IGSF11: variants seen among roughly 807,000 people sequenced by gnomAD.
IGSF11 encodes the protein immunoglobulin superfamily member 11, also known as CXADR like 1.
In IGSF11, 22 loss-of-function variants were observed where a neutral mutation model predicts 41.0. The observed-to-expected ratio is 0.54, with a 90% CI of 0.38 to 0.77. The LOEUF (loss-of-function observed/expected upper bound fraction) is 0.77, where lower values mean the gene tolerates loss of function less well. IGSF11 is among the 30% of genes least tolerant of loss of function. IGSF11 has a pLI of 0.00. For synonymous variants in IGSF11, 219 were observed against 201.3 expected (o/e 1.09, Z -0.74); for missense variants, 444 against 530.8 (o/e 0.84, Z 1.61).
At chr3:118,944,457 TACACACACACACACACACACAC>T (rs3079206) in intron 1 of IGSF11, among the ~76,000 whole-genome samples, 10 of 125,810 alleles carry the variant, frequency 7.9e-5, no homozygotes, top group East Asian at 4.9e-4. Flanking sequence ...TAGCTTGAAA[TACACACACACACACACACACAC>T]ACACACACAC....
intron 1 of IGSF11, among the ~76,000 whole-genome samples, chr3:119,132,900 A>G (rs2077504388): frequency 6.6e-6 from 1 of 152,128 alleles, no homozygotes; most frequent in Non-Finnish European, 1.5e-5. Context: ...TTAAAACTTA[A>G]TACTAAGAAA....
intron 1 of IGSF11, among the ~76,000 whole-genome samples, chr3:119,005,237 T>G (rs1261852059): frequency 6.8e-6 from 1 of 146,446 alleles, no homozygotes; most frequent in African/African-American, 2.7e-5. Context: ...TTGTCTCTTT[T>G]GATCTTTGTT....
At chr3:119,046,160 C>T (rs1234463151) in intron 1 of IGSF11, among the ~76,000 whole-genome samples, 8 of 150,698 alleles carry the variant, frequency 5.3e-5, no homozygotes, top group Non-Finnish European at 1.0e-4. Flanking sequence ...CTTTGACGAG[C>T]TGAGAGAAGA....
chr3:119,119,299 G>C (rs2077300952), intron 1 of IGSF11, among the ~76,000 whole-genome samples: 1 of 152,188 alleles, frequency 6.6e-6, no homozygotes, highest in Non-Finnish European at 1.5e-5. Flanking sequence ...CAATCATGGA[G>C]GAAGGCAAGG....
chr3:119,128,086 C>T (rs918144506), intron 1 of IGSF11, among the ~76,000 whole-genome samples: 5 of 152,192 alleles, frequency 3.3e-5, no homozygotes, highest in African/African-American at 1.2e-4. Context: ...GGACTGGGCA[C>T]AGTGACTCAC....
intron 1 of IGSF11, among the ~76,000 whole-genome samples, chr3:119,071,778 A>G (rs1209924357): frequency 6.6e-6 from 1 of 151,978 alleles, no homozygotes; most frequent in Admixed American, 6.6e-5. Flanking sequence ...TTCCCACTTC[A>G]TTTTTCTTTT....
intron 1 of IGSF11, among the ~76,000 whole-genome samples, chr3:119,096,032 A>C (rs984014553): frequency 6.6e-6 from 1 of 151,784 alleles, no homozygotes; most frequent in Non-Finnish European, 1.5e-5. Flanking sequence ...AGAATTCCTT[A>C]AGGATGAAAA....
chr3:119,041,712 C>A (rs1370044768), intron 1 of IGSF11, among the ~76,000 whole-genome samples: 2 of 152,028 alleles, frequency 1.3e-5, no homozygotes, highest in Non-Finnish European at 2.9e-5. Context: ...TGAGCAATAT[C>A]CTAGAAAAAT....
At chr3:118,999,692 TA>T (rs2107667294) in intron 1 of IGSF11, among the ~76,000 whole-genome samples, 1 of 152,360 alleles carries the variant, frequency 6.6e-6, no homozygotes, top group Non-Finnish European at 1.5e-5. Flanking sequence ...AATGCTATAT[TA>T]AATCATATAT....
chr3:118,957,471 T>C (rs1159694399), intron 1 of IGSF11, among the ~76,000 whole-genome samples: 1 of 152,210 alleles, frequency 6.6e-6, no homozygotes, highest in African/African-American at 2.4e-5. Flanking sequence ...GCAAATTGTG[T>C]CTTTTAAGGA....
intron 1 of IGSF11, among the ~76,000 whole-genome samples, chr3:119,054,105 G>C (rs1941729524): frequency 6.6e-6 from 1 of 152,124 alleles, no homozygotes; most frequent in Non-Finnish European, 1.5e-5. Flanking sequence ...CATTGGTTTA[G>C]GCATAGAGTT....
intron 1 of IGSF11, among the ~76,000 whole-genome samples, chr3:119,072,464 C>T (rs1225891732): frequency 2.0e-5 from 3 of 152,130 alleles, no homozygotes; most frequent in Non-Finnish European, 4.4e-5. Context: ...AGAATGAAGC[C>T]GCGGACCCTC....
intron 1 of IGSF11, among the ~76,000 whole-genome samples, chr3:119,007,926 T>C (rs1410177776): frequency 6.6e-6 from 1 of 152,206 alleles, no homozygotes; most frequent in Non-Finnish European, 1.5e-5. Flanking sequence ...AGAAAATATA[T>C]GCTTCGGCTT....
At chr3:119,120,470 G>C (rs2077317217) in intron 1 of IGSF11, among the ~76,000 whole-genome samples, 1 of 152,154 alleles carries the variant, frequency 6.6e-6, no homozygotes, top group Admixed American at 6.5e-5. Flanking sequence ...AGAAGAGAGA[G>C]AAAAAAGGTT....
At chr3:118,962,302 T>C (rs1485541847) in intron 1 of IGSF11, among the ~76,000 whole-genome samples, 1 of 152,230 alleles carries the variant, frequency 6.6e-6, no homozygotes, top group African/African-American at 2.4e-5. Flanking sequence ...TACATGACTA[T>C]AATTTATAAG....
intron 1 of IGSF11, among the ~76,000 whole-genome samples, chr3:119,059,504 A>G (rs776516916): frequency 3.3e-5 from 5 of 152,206 alleles, no homozygotes; most frequent in African/African-American, 4.8e-5. Flanking sequence ...GAATTCACCA[A>G]TAATGAACTT....
chr3:118,944,457 TACACACACACACACACACACACAC>T (rs3079206), intron 1 of IGSF11, among the ~76,000 whole-genome samples: 6 of 125,814 alleles, frequency 4.8e-5, no homozygotes, highest in East Asian at 2.4e-4. Flanking sequence ...TAGCTTGAAA[TACACACACACACACACACACACAC>T]ACACACACAC....
At chr3:118,941,095 T>C (rs564110614) in intron 1 of IGSF11, among the ~76,000 whole-genome samples, 1 of 152,102 alleles carries the variant, frequency 6.6e-6, no homozygotes, top group African/African-American at 2.4e-5. Flanking sequence ...CATTAACCAC[T>C]TAAAAATGGG....
chr3:118,948,671 A>G (rs1222345878), intron 1 of IGSF11, among the ~76,000 whole-genome samples: 4 of 152,180 alleles, frequency 2.6e-5, no homozygotes, highest in Admixed American at 2.0e-4. Context: ...AGAACCTTAA[A>G]AAGCAAACAT....
Sources: allele counts gnomAD v4.1 joint callset (sites outside exome capture counted in the v4.1 genomes callset), GRCh38; gene constraint gnomAD v4.1.1; transcripts MANE v1.5; gene names NCBI Gene and HGNC (gene_info 2026-07-23, HGNC 2026-07-21).